Variants in ADGRL2 observed in about 807,000 individuals in gnomAD.
ADGRL2 encodes adhesion G protein-coupled receptor L2.
Under a neutral mutation model 157.4 loss-of-function variants are expected in ADGRL2, and 44 were observed. That is an observed-to-expected ratio of 0.28 (90% CI 0.22 to 0.36). The LOEUF is 0.36. Ranked by LOEUF, ADGRL2 falls within the 10% of genes least tolerant of loss-of-function variation. The probability of loss-of-function intolerance (pLI) is 1.00; values close to 1 mark genes in which losing one functional copy is unlikely to be tolerated. For missense variants in ADGRL2, 1,510 were observed against 1,768.9 expected (o/e 0.85, Z 2.63); for synonymous variants, 585 against 624.7 (o/e 0.94, Z 0.95).
chr1:81,914,468 A>G (rs529819364), intron 3 of ADGRL2, among the ~76,000 whole-genome samples: 1 of 152,250 alleles, frequency 6.6e-6, no homozygotes, highest in East Asian at 1.9e-4. Context: ...TGCTTAGCAT[A>G]TTCATTCAGT....
chr1:81,485,057 A>G (rs1180638426), intron 2 of ADGRL2, among the ~76,000 whole-genome samples: 5 of 152,128 alleles, frequency 3.3e-5, no homozygotes, highest in Admixed American at 2.6e-4. Context: ...TTTGAATGCT[A>G]TGACAAACTG....
chr1:81,797,928 A>C (rs1274678063), upstream of ADGRL2, among the ~76,000 whole-genome samples: 1 of 152,158 alleles, frequency 6.6e-6, no homozygotes, highest in Non-Finnish European at 1.5e-5. Context: ...TTATATGTTG[A>C]TTTAACATAA....
chr1:81,461,936 G>GC (rs1470161115), intron 2 of ADGRL2, among the ~76,000 whole-genome samples: 1 of 146,832 alleles, frequency 6.8e-6, no homozygotes, highest in Admixed American at 6.9e-5. Context: ...AGAAAGGGGG[G>GC]GGGGGGTGGT....
intron 2 of ADGRL2, among the ~76,000 whole-genome samples, chr1:81,881,972 C>G (rs1402783771): frequency 6.6e-6 from 1 of 152,154 alleles, no homozygotes; most frequent in Non-Finnish European, 1.5e-5. Context: ...ACACCATCCC[C>G]CCTTTTTTTC....
At chr1:81,497,101 T>C (rs1029850185) in intron 2 of ADGRL2, among the ~76,000 whole-genome samples, 1 of 152,220 alleles carries the variant, frequency 6.6e-6, no homozygotes, top group Non-Finnish European at 1.5e-5. Flanking sequence ...ATGACTTATA[T>C]AGGTTCCTCC....
At chr1:81,603,488 A>ATG (rs10692006) in intron 3 of ADGRL2, among the ~76,000 whole-genome samples, 3,937 of 152,344 alleles carry the variant, frequency 0.026, 156 homozygotes, top group African/African-American at 0.09. Flanking sequence ...TAAATCAGGT[A>ATG]TGTATGTCAA....
At chr1:81,433,623 A>C (rs1323773958) in intron 1 of ADGRL2, among the ~76,000 whole-genome samples, 1 of 152,224 alleles carries the variant, frequency 6.6e-6, no homozygotes, top group African/African-American at 2.4e-5. Flanking sequence ...ACCCTTCGGC[A>C]AGGAAATTAT....
Position 81,722,335 on chromosome 1 carries a change from G to A in ADGRL2, c.-143+22527G>A. 6 of 695,728 alleles carry A rather than the reference G, an allele frequency of 8.6e-6. No homozygotes were observed. The South Asian group carries it at 8.7e-5, about 10-fold the overall frequency. The allele number at this position is 695,728 out of a possible 1,614,324, so 43.1% of individuals were successfully genotyped here. A position where few individuals can be genotyped will look rare whatever the true frequency, so the allele number is the denominator to read the frequency against. On this transcript the variant is annotated intron_variant, in intron 1 of 20. Coordinates refer to the ADGRL2 transcript ENST00000359929. Reference sequence around the variant, plus strand: ...AGAGATAACAGAGGAGATGAGATCAGGCATATGATAAGAAAGTGGTTGCTA... The same window carrying A: ...AGAGATAACAGAGGAGATGAGATCAAGCATATGATAAGAAAGTGGTTGCTA...
chr1:81,377,258 A>G (rs571866417), intron 1 of ADGRL2, among the ~76,000 whole-genome samples: 101 of 152,352 alleles, frequency 6.6e-4, no homozygotes, highest in Non-Finnish European at 1.1e-3. Flanking sequence ...ATCAGCAAGT[A>G]TATGAAATAA....
At chr1:81,502,367 G>T (rs1251139113) in intron 2 of ADGRL2, 15 of 1,614,048 alleles carry the variant, frequency 9.3e-6, no homozygotes, top group East Asian at 2.2e-5. Context: ...TGATGCAGAT[G>T]GAGGCCGGGG....
chr1:81,920,446 C>G (rs1212916118), intron 3 of ADGRL2, among the ~76,000 whole-genome samples: 1 of 152,090 alleles, frequency 6.6e-6, no homozygotes, highest in African/African-American at 2.4e-5. Context: ...AAGAGAGTTG[C>G]CTGCTGATGG....
chr1:81,573,248 G>T (rs1221745396), intron 2 of ADGRL2, among the ~76,000 whole-genome samples: 1 of 152,106 alleles, frequency 6.6e-6, no homozygotes, highest in Non-Finnish European at 1.5e-5. Flanking sequence ...CAGATAGGAA[G>T]CAGAGGAGTC....
intron 2 of ADGRL2, among the ~76,000 whole-genome samples, chr1:81,493,900 G>T (rs987343733): frequency 6.6e-6 from 1 of 152,086 alleles, no homozygotes; most frequent in South Asian, 2.1e-4. Flanking sequence ...TATTTAAAAC[G>T]TGGGGACAGC....
At chr1:81,947,988 G>GC (rs1650431547) in intron 6 of ADGRL2, among the ~76,000 whole-genome samples, 1 of 152,086 alleles carries the variant, frequency 6.6e-6, no homozygotes, top group Non-Finnish European at 1.5e-5. Flanking sequence ...GGATGTCAGG[G>GC]AGGGCGGATC....
intron 1 of ADGRL2, among the ~76,000 whole-genome samples, chr1:81,439,668 A>C (rs1474736672): frequency 6.6e-6 from 1 of 152,208 alleles, no homozygotes; most frequent in Non-Finnish European, 1.5e-5. Context: ...GAGGGTGCCC[A>C]CAACTCCGAA....
intron 2 of ADGRL2, among the ~76,000 whole-genome samples, chr1:81,846,868 A>G (rs1382207433): frequency 6.6e-6 from 1 of 151,966 alleles, no homozygotes; most frequent in African/African-American, 2.4e-5. Flanking sequence ...CTACTTTTAT[A>G]TGGTAGAATG....
At chr1:81,620,949 C>T (rs1345472078) in intron 3 of ADGRL2, among the ~76,000 whole-genome samples, 1 of 152,190 alleles carries the variant, frequency 6.6e-6, no homozygotes, top group Non-Finnish European at 1.5e-5. Flanking sequence ...AGCAGCTCAT[C>T]AGAATCAACT....
intron 1 of ADGRL2, among the ~76,000 whole-genome samples, chr1:81,365,859 C>T (rs2076056302): frequency 2.0e-5 from 3 of 152,220 alleles, no homozygotes; most frequent in Non-Finnish European, 2.9e-5. Flanking sequence ...CCAATTTTCC[C>T]AAGGCTTAAT....
chr1:81,444,179 C>T (rs1021528200), intron 1 of ADGRL2, among the ~76,000 whole-genome samples: 1 of 152,140 alleles, frequency 6.6e-6, no homozygotes. Context: ...TAACATTTAC[C>T]TTTGAACCTT....
Sources: allele counts gnomAD v4.1 joint callset (sites outside exome capture counted in the v4.1 genomes callset), GRCh38; gene constraint gnomAD v4.1.1; transcripts MANE v1.5; gene names NCBI Gene and HGNC (gene_info 2026-07-23, HGNC 2026-07-21).